The following RGS21 variants were observed in gnomAD, a reference collection of about 807,000 sequenced individuals.
The protein encoded by RGS21 is regulator of G-protein signalling 21.
RGS21 carries 19 observed loss-of-function variants against 18.7 expected under a neutral mutation model. That is an observed-to-expected ratio of 1.01 (90% CI 0.71 to 1.49). The LOEUF (loss-of-function observed/expected upper bound fraction) is 1.49, where lower values mean the gene tolerates loss of function less well. Among genes scored for constraint, RGS21 ranks in the 40% most tolerant of loss-of-function variants. RGS21 has a pLI of 0.00. For synonymous variants in RGS21, 56 were observed against 57.8 expected, an observed-to-expected ratio of 0.97 and a Z score of 0.14; for missense variants, 194 against 176.8, an observed-to-expected ratio of 1.10 and a Z score of -0.55.
At chr1:192,323,965 T>A (rs1658530829) in intron 1 of RGS21, among the ~76,000 whole-genome samples, 2 of 152,076 alleles carry the variant, frequency 1.3e-5, no homozygotes, top group South Asian at 4.1e-4. Flanking sequence ...AACCTGATTG[T>A]TAAAAAACTA....
At chr1:192,345,620 TA>T (rs1046677762) in intron 2 of RGS21, among the ~76,000 whole-genome samples, 40 of 152,202 alleles carry the variant, frequency 2.6e-4, no homozygotes, top group African/African-American at 7.7e-4. Context: ...TGAATTTGTC[TA>T]GATTTTATTT....
At chr1:192,336,322 G>T (rs1169763606) in intron 1 of RGS21, among the ~76,000 whole-genome samples, 1 of 152,136 alleles carries the variant, frequency 6.6e-6, no homozygotes, top group Non-Finnish European at 1.5e-5. Context: ...GAGCACTCTG[G>T]TGGATGCCTG....
chr1:192,346,841 T>G (rs946100907), intron 2 of RGS21, among the ~76,000 whole-genome samples: 1 of 152,132 alleles, frequency 6.6e-6, no homozygotes, highest in African/African-American at 2.4e-5. Context: ...TTCAAGTTCA[T>G]CACATGCTAG....
intron 1 of RGS21, among the ~76,000 whole-genome samples, chr1:192,339,475 A>C (rs1251177092): frequency 6.6e-6 from 1 of 151,748 alleles, no homozygotes; most frequent in Admixed American, 6.6e-5. Flanking sequence ...TAAATGTTCT[A>C]CATATCTCTA....
intron 2 of RGS21, among the ~76,000 whole-genome samples, chr1:192,346,350 G>A (rs769304319): frequency 3.3e-5 from 5 of 152,104 alleles, no homozygotes; most frequent in South Asian, 2.1e-4. Context: ...TTATCTTGCC[G>A]TGCAAATACA....
Position 192,343,003 on chromosome 1 carries a change from T to TCGGCATCATCTG in RGS21, c.-33_-22dup. 1 of 1,611,252 alleles carries TCGGCATCATCTG rather than the reference T, an allele frequency of 6.2e-7. No homozygotes were observed. Among genetic ancestry groups the TCGGCATCATCTG allele is most frequent in the Non-Finnish European group, 8.5e-7 (1 of 1,177,666 alleles). ...TTGAAGATCAGTCAGAAAGAGAAAC[T>TCGGCATCATCTG]CGGCATCATCTGTGACAGACAGTGG... is the stretch of plus-strand genomic sequence containing the variant. On this transcript the variant is annotated 5_prime_UTR_variant, in exon 2 of 5. Transcript: ENST00000417209.
chr1:192,345,899 A>G (rs1286727000), intron 2 of RGS21, among the ~76,000 whole-genome samples: 1 of 152,128 alleles, frequency 6.6e-6, no homozygotes, highest in Non-Finnish European at 1.5e-5. Context: ...CAGGTTATAG[A>G]GTACACAAAA....
chr1:192,333,403 G>A (rs568848252), intron 1 of RGS21, among the ~76,000 whole-genome samples: 5 of 151,820 alleles, frequency 3.3e-5, no homozygotes, highest in African/African-American at 1.2e-4. Flanking sequence ...AGCTCTATGT[G>A]TCATAGATCA....
In RGS21 at chr1:192,366,111, T is replaced by C; in HGVS notation, c.446T>C (p.Leu149Pro). 1 of 1,595,712 alleles carries C rather than the reference T, an allele frequency of 6.3e-7. No individual in the cohort carries two copies. Residue 149 changes from leucine (L) to proline (P), a missense_variant, in exon 5 of 5, where the codon CTC (leucine) becomes CCC (proline). Coordinates refer to ENST00000417209, the MANE Select transcript of RGS21 (RefSeq NM_001039152.3). ...CAGGTTCCAAATCATAAAAAATGGC[T>C]CCCTTTTTTGTGAGGAAGGTAAAAG... ...SQQVPNHKKWLPFL is the reference protein window; with the variant it reads ...SQQVPNHKKWPPFL
intron 2 of RGS21, among the ~76,000 whole-genome samples, chr1:192,344,161 C>G (rs1057476692): frequency 6.6e-6 from 1 of 151,890 alleles, no homozygotes; most frequent in African/African-American, 2.4e-5. Context: ...GTTGAGCAGC[C>G]AGTTACCACA....
At position 192,343,057 on chromosome 1, in the gene RGS21, C is replaced by T. The variant is rs138473202; in HGVS notation, c.11+10C>T. The T allele has an allele frequency of 2.7e-5, 44 of 1,611,930 alleles. No individual in the cohort carries two copies. In the Middle Eastern group the frequency reaches 6.6e-4, roughly 24 times the overall value. Reference sequence around the variant, plus strand: ...GAAAAATGCCAGTGAAGTGAGTTGCCGTTTCCAGCTATTTTTATCTCAGAA... The same window carrying T: ...GAAAAATGCCAGTGAAGTGAGTTGCTGTTTCCAGCTATTTTTATCTCAGAA... On this transcript the variant is annotated intron_variant, in intron 2 of 4. Transcript: ENST00000417209.
rs193033828 is a variant in RGS21 at position 192,342,888 on chromosome 1, T to A, written c.-60-89T>A. The A allele has an allele frequency of 4.3e-6, 3 of 695,212 alleles. No homozygotes were observed. In the African/African-American group the frequency reaches 5.3e-5, roughly 12 times the overall value. 43.1% of individuals were successfully genotyped at this position (695,212 alleles called of 1,614,324 possible). A position where few individuals can be genotyped will look rare whatever the true frequency, so the allele number is the denominator to read the frequency against. ...ATAACAAAAATAAAAAAGCTGAGAA[T>A]AGCAGAATTTAAAGAATGCCAATTT... On this transcript the variant is annotated intron_variant, in intron 1 of 4. Coordinates refer to ENST00000417209, the MANE Select transcript of RGS21 (RefSeq NM_001039152.3).
chr1:192,336,782 A>T (rs1267969006), intron 1 of RGS21, among the ~76,000 whole-genome samples: 2 of 152,160 alleles, frequency 1.3e-5, no homozygotes, highest in Admixed American at 6.5e-5. Context: ...AGGGTTAAAA[A>T]AAAATGATAT....
At chr1:192,353,072 G>A (rs970578872) in intron 4 of RGS21, among the ~76,000 whole-genome samples, 2 of 151,956 alleles carry the variant, frequency 1.3e-5, no homozygotes, top group Non-Finnish European at 2.9e-5. Flanking sequence ...TCATACAGAG[G>A]TGAAATGCTG....
rs189708961 is a variant in RGS21, at chr1:192,322,907, T to G, written c.-61+5802T>G. On this transcript the variant is annotated intron_variant, in intron 1 of 4. Transcript: ENST00000417209. ...ATGAAATCTGAATAAATTTCAGAGT[T>G]TAAATATCAGTAATATACCACTGTT... Among the ~76,000 whole-genome samples, 603 of 152,216 alleles carry G rather than the reference T, an allele frequency of 4.0e-3. 3 individuals carry two copies. The highest frequency in any genetic ancestry group is 0.013 in the African/African-American group (559 of 41,550).
At chr1:192,357,500 T>C (rs1427800536) in intron 4 of RGS21, among the ~76,000 whole-genome samples, 1 of 151,854 alleles carries the variant, frequency 6.6e-6, no homozygotes, top group Admixed American at 6.6e-5. Context: ...ACATGGATTA[T>C]CTCATTTGGT....
At chr1:192,330,022 T>C (rs1362104933) in intron 1 of RGS21, among the ~76,000 whole-genome samples, 1 of 152,076 alleles carries the variant, frequency 6.6e-6, no homozygotes, top group Non-Finnish European at 1.5e-5. Context: ...ACGTCCAACA[T>C]TGTTATTAAT....
intron 4 of RGS21, among the ~76,000 whole-genome samples, chr1:192,358,580 A>G (rs2102237261): frequency 6.6e-6 from 1 of 152,110 alleles, no homozygotes; most frequent in East Asian, 1.9e-4. Context: ...CCATTTTTGT[A>G]AGGCGTTTTA....
At chr1:192,328,344 G>A (rs552621334) in intron 1 of RGS21, among the ~76,000 whole-genome samples, 2 of 152,238 alleles carry the variant, frequency 1.3e-5, no homozygotes, top group Admixed American at 1.3e-4. Flanking sequence ...AAACACAGAT[G>A]GTTACCTAAA....
Sources: allele counts gnomAD v4.1 joint callset (sites outside exome capture counted in the v4.1 genomes callset), GRCh38; gene constraint gnomAD v4.1.1; transcripts MANE v1.5; gene names NCBI Gene and HGNC (gene_info 2026-07-23, HGNC 2026-07-21).